The following RBFOX1 variants were observed in gnomAD, a reference collection of about 807,000 sequenced individuals.
RBFOX1 encodes the protein RNA binding protein fox-1 homolog 1.
Under a neutral mutation model 57.7 loss-of-function variants are expected in RBFOX1, and 8 were observed. The observed-to-expected ratio is 0.14, with a 90% CI of 0.08 to 0.25. RBFOX1 has a LOEUF of 0.25. Ranked by LOEUF, RBFOX1 falls within the 10% of genes least tolerant of loss-of-function variation. RBFOX1 has a pLI of 1.00. For missense variants in RBFOX1, 611 were observed against 548.5 expected (o/e 1.11, Z -1.14); for synonymous variants, 326 against 222.4 (o/e 1.47, Z -4.15).
intron 3 of RBFOX1, among the ~76,000 whole-genome samples, chr16:5,732,839 G>A (rs1009031418): frequency 3.9e-5 from 6 of 152,118 alleles, no homozygotes; most frequent in African/African-American, 9.7e-5. Flanking sequence ...GTCTTCAACC[G>A]TGTCTTCATG....
At chr16:5,531,208 T>A (rs943122062) in intron 2 of RBFOX1, among the ~76,000 whole-genome samples, 3 of 152,066 alleles carry the variant, frequency 2.0e-5, no homozygotes, top group Non-Finnish European at 4.4e-5. Context: ...TCAGAGGAGT[T>A]GTTCGTCAGC....
In RBFOX1 at chr16:7,578,324, T is replaced by A. The variant is rs558761502; in HGVS notation, c.271-1453T>A. Among the ~76,000 whole-genome samples the A allele has an allele frequency of 4.6e-5, 7 of 152,302 alleles. No individual in the cohort carries two copies. In the South Asian group the frequency reaches 1.5e-3, roughly 32 times the overall value. ...GTATAGGCAAAATGACTAAATACAT[T>A]GTCTAAATACATGACTTGCACTTAA... is the stretch of plus-strand genomic sequence containing the variant. On this transcript the variant is annotated intron_variant, in intron 5 of 15. Transcript: ENST00000550418.
intron 1 of RBFOX1, among the ~76,000 whole-genome samples, chr16:6,128,038 T>C (rs1386811385): frequency 6.6e-6 from 1 of 152,196 alleles, no homozygotes; most frequent in Non-Finnish European, 1.5e-5. Flanking sequence ...GTGAAGTCAC[T>C]AGGCACATGT....
intron 1 of RBFOX1, among the ~76,000 whole-genome samples, chr16:6,281,844 C>T (rs940982389): frequency 2.6e-5 from 4 of 152,040 alleles, no homozygotes; most frequent in African/African-American, 7.2e-5. Context: ...CCCAAAATCC[C>T]GCTGCCACTC....
At chr16:6,774,174 T>C (rs962855123) in intron 3 of RBFOX1, among the ~76,000 whole-genome samples, 2 of 152,152 alleles carry the variant, frequency 1.3e-5, no homozygotes, top group South Asian at 2.1e-4. Context: ...AATTCCAGTG[T>C]CTCTGTAACT....
chr16:6,638,532 A>G (rs886761211), intron 2 of RBFOX1, among the ~76,000 whole-genome samples: 3 of 152,304 alleles, frequency 2.0e-5, no homozygotes, highest in Non-Finnish European at 4.4e-5. Context: ...CCATGTTGTC[A>G]AACTTAGAAA....
At chr16:7,628,681 C>A (rs1056368935) in intron 10 of RBFOX1, among the ~76,000 whole-genome samples, 3 of 152,024 alleles carry the variant, frequency 2.0e-5, no homozygotes, top group Non-Finnish European at 2.9e-5. Context: ...GGCGTGATCT[C>A]GGCTTACTGC....
At chr16:7,245,962 G>GA (rs1313702725) in intron 4 of RBFOX1, among the ~76,000 whole-genome samples, 1 of 151,944 alleles carries the variant, frequency 6.6e-6, no homozygotes. Context: ...GCCCATCCCT[G>GA]AAAAAAAGTA....
intron 3 of RBFOX1, among the ~76,000 whole-genome samples, chr16:5,725,985 TCTCTTCTTTAAAAGTGGGC>T (rs1375850896): frequency 6.6e-6 from 1 of 151,832 alleles, no homozygotes; most frequent in Non-Finnish European, 1.5e-5. Flanking sequence ...CACCAAAGAG[TCTCTTCTTTAAAAGTGGGC>T]CTTTCCATTC....
At chr16:6,078,383 T>C (rs144955250) in intron 1 of RBFOX1, among the ~76,000 whole-genome samples, 1 of 152,008 alleles carries the variant, frequency 6.6e-6, no homozygotes, top group Non-Finnish European at 1.5e-5. Flanking sequence ...TAAATTTTCT[T>C]ACAACCTTAT....
At chr16:7,274,959 G>C (rs7189741) in intron 4 of RBFOX1, among the ~76,000 whole-genome samples, 20,156 of 152,136 alleles carry the variant, frequency 0.13, 1,682 homozygotes, top group Middle Eastern at 0.28. Context: ...GCTGGAATTA[G>C]AGGTGTGAGT....
At chr16:5,321,901 C>T (rs746831828) in intron 1 of RBFOX1, among the ~76,000 whole-genome samples, 20 of 152,256 alleles carry the variant, frequency 1.3e-4, no homozygotes, top group East Asian at 3.9e-4. Context: ...CCTTGCTGCA[C>T]GGCCTTACGG....
chr16:6,784,606 A>T (rs1378296256), intron 3 of RBFOX1, among the ~76,000 whole-genome samples: 1 of 152,008 alleles, frequency 6.6e-6, no homozygotes, highest in South Asian at 2.1e-4. Context: ...TATCTCTAGG[A>T]TTGATCACTG....
intron 2 of RBFOX1, among the ~76,000 whole-genome samples, chr16:6,615,594 C>A (rs1051075786): frequency 6.6e-6 from 1 of 151,910 alleles, no homozygotes; most frequent in Non-Finnish European, 1.5e-5. Context: ...TCCTCTGTCC[C>A]AATAAATATG....
intron 4 of RBFOX1, among the ~76,000 whole-genome samples, chr16:7,270,425 A>C (rs1379610638): frequency 2.0e-5 from 3 of 152,214 alleles, no homozygotes; most frequent in African/African-American, 7.2e-5. Context: ...ATGATAAAGG[A>C]AGATACCATC....
intron 1 of RBFOX1, among the ~76,000 whole-genome samples, chr16:5,320,546 G>C (rs2064373853): frequency 6.6e-6 from 1 of 152,214 alleles, no homozygotes; most frequent in Non-Finnish European, 1.5e-5. Context: ...AAGTCTCACA[G>C]ACACAGAGCT....
intron 3 of RBFOX1, among the ~76,000 whole-genome samples, chr16:6,689,343 T>G (rs1304289029): frequency 6.6e-6 from 1 of 152,154 alleles, no homozygotes; most frequent in Non-Finnish European, 1.5e-5. Context: ...GTATTTCTCT[T>G]AAGTCTTCAC....
chr16:7,409,371 A>G (rs981438139), intron 4 of RBFOX1, among the ~76,000 whole-genome samples: 1 of 152,232 alleles, frequency 6.6e-6, no homozygotes, highest in South Asian at 2.1e-4. Context: ...TGCCTGTTTT[A>G]TTCATTGTGG....
At chr16:7,424,021 A>T (rs2098577872) in intron 4 of RBFOX1, among the ~76,000 whole-genome samples, 1 of 152,188 alleles carries the variant, frequency 6.6e-6, no homozygotes, top group South Asian at 2.1e-4. Flanking sequence ...TGTTCTGTCT[A>T]TTTATATAAC....
Sources: gnomAD v4.1 joint callset for allele counts (sites outside exome capture counted in the v4.1 genomes callset) on GRCh38, gnomAD v4.1.1 for gene constraint, MANE v1.5 for transcripts, NCBI Gene and HGNC (gene_info 2026-07-23, HGNC 2026-07-21) for gene names.